The following PARPBP variants were observed in gnomAD, a reference collection of about 807,000 sequenced individuals.
PARPBP encodes the protein PCNA-interacting partner.
In PARPBP, 52 loss-of-function variants were observed where a neutral mutation model predicts 50.0. The observed-to-expected ratio is 1.04, with a 90% CI of 0.83 to 1.31. PARPBP has a LOEUF of 1.31. Among genes scored for constraint, PARPBP ranks in the 50% most tolerant of loss-of-function variants. The pLI is 0.00. For synonymous variants in PARPBP, 244 were observed against 232.1 expected, an observed-to-expected ratio of 1.05 and a Z score of -0.47; for missense variants, 697 against 672.0, an observed-to-expected ratio of 1.04 and a Z score of -0.41.
intron 6 of PARPBP, among the ~76,000 whole-genome samples, chr12:102,168,759 G>A (rs558083986): frequency 1.3e-4 from 20 of 152,198 alleles, no homozygotes; most frequent in Middle Eastern, 6.8e-3. Flanking sequence ...GGGTGGGAAA[G>A]TGGATAACCC....
At position 102,158,146 on chromosome 12, in the gene PARPBP, A is replaced by G. The variant is rs148550297; in HGVS notation, c.495+4170A>G. 1.2e-3 allele frequency among the ~76,000 whole-genome samples: 183 copies of G among 150,856 alleles called. 2 individuals are homozygous for G. The highest frequency in any genetic ancestry group is 4.2e-3 in the African/African-American group (171 of 41,178). On this transcript the variant is annotated intron_variant, in intron 4 of 10. Transcript: ENST00000327680. ...AAAAAAAAAAAAAAAAAAAAAAAGA[A>G]TAGTGAGCTTCTAATTCTGTTATGT...
At chr12:102,129,467 A>C (rs192413524) in intron 2 of PARPBP, among the ~76,000 whole-genome samples, 101 of 152,270 alleles carry the variant, frequency 6.6e-4, no homozygotes, top group African/African-American at 2.2e-3. Flanking sequence ...ATATAATCCC[A>C]TTCATGTATT....
chr12:102,177,655 T>G (rs1322919202), intron 7 of PARPBP, among the ~76,000 whole-genome samples: 1 of 152,214 alleles, frequency 6.6e-6, no homozygotes, highest in African/African-American at 2.4e-5. Context: ...TCTCCAGATT[T>G]GATAACATTC....
chr12:102,148,187 T>C (rs1361065798), intron 2 of PARPBP, 43 bp from the exon 3 acceptor site: 1 of 792,858 alleles, frequency 1.3e-6, no homozygotes, highest in East Asian at 2.7e-5. Context: ...AATATTCTGG[T>C]ACCCAACTTT....
At position 102,195,451 on chromosome 12, in the gene PARPBP, A is replaced by G. The variant is rs779388339; in HGVS notation, c.1399+4A>G. ...TACATGGAAAATGACCTTTCTGGTAATTGACCTTATTTGTGCAATTAAATA... is the reference window on the plus strand; with the variant it reads ...TACATGGAAAATGACCTTTCTGGTAGTTGACCTTATTTGTGCAATTAAATA... On this transcript the variant is annotated splice_donor_region_variant and intron_variant, in intron 10 of 10. Transcript: ENST00000327680. 6.3e-7 allele frequency: 1 copy of G among 1,577,100 alleles called. No individual in the cohort carries two copies.
At chr12:102,141,008 GC>G (rs1348627601) in intron 2 of PARPBP, among the ~76,000 whole-genome samples, 4 of 152,200 alleles carry the variant, frequency 2.6e-5, no homozygotes, top group African/African-American at 9.6e-5. Context: ...TCCGCTTGGT[GC>G]AGAGCTGAGT....
chr12:102,188,270 T>G (rs1165321748), intron 9 of PARPBP, among the ~76,000 whole-genome samples: 1 of 152,026 alleles, frequency 6.6e-6, no homozygotes, highest in Admixed American at 6.6e-5. Context: ...TGGTCTTTTT[T>G]TTTTTTCAAG....
chr12:102,178,496 G>A, intron 7 of PARPBP, 96 bp from the exon 8 acceptor site: 1 of 646,968 alleles, frequency 1.5e-6, no homozygotes, highest in South Asian at 3.6e-5. Flanking sequence ...TTTAACAATA[G>A]ATGAAAGAGG....
chr12:102,164,424 AT>A lies in PARPBP; in HGVS notation c.496-10del. 1 of 1,589,024 alleles carries A rather than the reference AT, an allele frequency of 6.3e-7. No individual in the cohort carries two copies. Among genetic ancestry groups the A allele is most frequent in the Non-Finnish European group, 8.6e-7 (1 of 1,160,806 alleles). ...ACTGCAATAAAGAAATTAACTGAATATTTTATTGCACAGGTGCAGCTGCTAG... is the reference window on the plus strand; with the variant it reads ...ACTGCAATAAAGAAATTAACTGAATATTTATTGCACAGGTGCAGCTGCTAG... On this transcript the variant is annotated splice_polypyrimidine_tract_variant and intron_variant, in intron 4 of 10. Coordinates refer to ENST00000327680, the MANE Select transcript of PARPBP (RefSeq NM_017915.5).
intron 4 of PARPBP, chr12:102,154,718 A>G: frequency 2.6e-6 from 1 of 384,796 alleles, no homozygotes; most frequent in East Asian, 7.2e-5. Flanking sequence ...ATTTTACCCC[A>G]AAATATGTTT....
chr12:102,131,220 G>A (rs1197471943), intron 2 of PARPBP, among the ~76,000 whole-genome samples: 1 of 152,158 alleles, frequency 6.6e-6, no homozygotes, highest in Non-Finnish European at 1.5e-5. Flanking sequence ...AGCCACTTGG[G>A]AGGCTGAGGC....
At chr12:102,167,461 G>A (rs1385921565) in intron 6 of PARPBP, among the ~76,000 whole-genome samples, 3 of 152,010 alleles carry the variant, frequency 2.0e-5, no homozygotes, top group Admixed American at 6.6e-5. Context: ...CACAATGTGT[G>A]GTGATTCTGA....
intron 2 of PARPBP, among the ~76,000 whole-genome samples, chr12:102,125,858 A>G (rs1229744179): frequency 6.6e-6 from 1 of 152,238 alleles, no homozygotes; most frequent in Non-Finnish European, 1.5e-5. Context: ...AAAGAGATCA[A>G]GCTGAGCCCC....
Position 102,175,551 on chromosome 12 carries a change from C to G in PARPBP, c.890C>G (p.Pro297Arg). Residue 297 changes from proline to arginine, a missense_variant, in exon 7 of 11, where the codon CCT (proline) becomes CGT (arginine). Coordinates refer to ENST00000327680, the MANE Select transcript of PARPBP (RefSeq NM_017915.5). ...ATTAAAGGCCAAAACAGCAGGGATC[C>G]TTTTTGCAAAGCAATAGAGGAAGTT... The part of the protein sequence containing the change: ...QLIKGQNSRD[P>R]FCKAIEEVAQ... 1 of 1,613,198 alleles carries G rather than the reference C, an allele frequency of 6.2e-7. No individual in the cohort carries two copies. The highest frequency in any genetic ancestry group is 1.3e-5 in the African/African-American group (1 of 74,988).
chr12:102,154,984 C>G, intron 4 of PARPBP: 1 of 339,550 alleles, frequency 2.9e-6, no homozygotes, highest in Non-Finnish European at 5.7e-6. Context: ...AGACTCCTTT[C>G]TACTGATTCC....
chr12:102,187,579 A>T (rs1890412011), intron 9 of PARPBP, among the ~76,000 whole-genome samples: 1 of 152,192 alleles, frequency 6.6e-6, no homozygotes, highest in Non-Finnish European at 1.5e-5. Flanking sequence ...AATATGTAAT[A>T]AACTCCTAGA....
In PARPBP at chr12:102,148,327, T is replaced by A. The variant is rs770237141; in HGVS notation, c.251T>A (p.Val84Glu). The part of the protein sequence containing the change: ...KLNLPVENMD[V>E]TDHYEDVRKI... ...AACTTACCAGTTGAAAACATGGACG[T>A]GACTGACCATTATGAGGACGTTAGG... The change falls in exon 3 of 11, where the codon GTG becomes GAG. Residue 84 changes from valine to glutamate, a missense_variant. Coordinates refer to ENST00000327680, the MANE Select transcript of PARPBP (RefSeq NM_017915.5). 9 of 1,600,842 alleles carry A rather than the reference T, an allele frequency of 5.6e-6. No homozygotes were observed. In the South Asian group the frequency reaches 8.8e-5, roughly 16 times the overall value.
chr12:102,123,806 C>T lies in PARPBP; in HGVS notation c.-3-80C>T. The T allele has an allele frequency of 4.8e-6, 4 of 841,936 alleles. No homozygotes were observed. The South Asian group carries it at 7.4e-5, about 16-fold the overall frequency. The allele number at this position is 841,936 out of a possible 1,614,324, so 52.2% of individuals were successfully genotyped here. On this transcript the variant is annotated intron_variant, in intron 1 of 10. Transcript: ENST00000327680. ...TCATTCACTATATGTTTTTCTCTAT[C>T]TGTGCTTGCCTATACATGTTAAATG...
chr12:102,137,376 T>C (rs1883799816), intron 2 of PARPBP, among the ~76,000 whole-genome samples: 1 of 152,212 alleles, frequency 6.6e-6, no homozygotes, highest in Non-Finnish European at 1.5e-5. Flanking sequence ...ATTTGTTTTT[T>C]CTCAACTGTT....
Sources: gnomAD v4.1 joint callset for allele counts (sites outside exome capture counted in the v4.1 genomes callset) on GRCh38, gnomAD v4.1.1 for gene constraint, MANE v1.5 for transcripts, NCBI Gene and HGNC (gene_info 2026-07-23, HGNC 2026-07-21) for gene names.